COL23A1: variants seen among roughly 807,000 people sequenced by gnomAD.
COL23A1 encodes collagen type XXIII alpha 1 chain, also known as collagen alpha-1(XXIII) chain.
In COL23A1, 97 loss-of-function variants were observed where a neutral mutation model predicts 99.3. That is an observed-to-expected ratio of 0.98 (90% confidence interval 0.83 to 1.16). The LOEUF (loss-of-function observed/expected upper bound fraction) is 1.16, where lower values mean the gene tolerates loss of function less well. Among genes scored for constraint, COL23A1 ranks in the 50% most tolerant of loss-of-function variants. The pLI is 0.00. For missense variants in COL23A1, 762 were observed against 757.4 expected (o/e 1.01, Z -0.07); for synonymous variants, 320 against 308.2 (o/e 1.04, Z -0.40).
At chr5:178,349,494 G>A (rs563404401) in intron 2 of COL23A1, among the ~76,000 whole-genome samples, 2 of 146,328 alleles carry the variant, frequency 1.4e-5, no homozygotes, top group African/African-American at 2.5e-5. Context: ...TCCGCTAGGC[G>A]GGCCCATCCC....
chr5:178,572,359 T>C (rs1581662035), intron 1 of COL23A1, among the ~76,000 whole-genome samples: 1 of 152,026 alleles, frequency 6.6e-6, no homozygotes, highest in Non-Finnish European at 1.5e-5. Flanking sequence ...AAAAAAATTT[T>C]GAAGAATAGT....
chr5:178,544,115 A>G lies in COL23A1; in HGVS notation c.361+16567T>C, dbSNP rs1249080032. On this transcript the variant is annotated intron_variant, in intron 2 of 28. Transcript: ENST00000390654. The surrounding 1 kb of genome is among the most constrained non-coding windows in gnomAD (Gnocchi z 4.4). The stretch of plus-strand genomic sequence containing the variant: ...GGACACAAGATTCAGTCCACAGCAT[A>G]ATCTCCGGGGCATGTCCCTCCTTAC... 6.6e-6 allele frequency among the ~76,000 whole-genome samples: 1 copy of G among 152,084 alleles called. No homozygotes were observed. Among genetic ancestry groups the G allele is most frequent in the African/African-American group, 2.4e-5 (1 of 41,414 alleles).
chr5:178,471,356 C>T (rs1756739967), intron 2 of COL23A1, among the ~76,000 whole-genome samples: 1 of 152,174 alleles, frequency 6.6e-6, no homozygotes. Flanking sequence ...ATTCTCCTGC[C>T]TCAGCCTCCT....
rs1756879645 is a variant in COL23A1 at position 178,281,195 on chromosome 5, A to C, written c.441+7129T>G. Among the ~76,000 whole-genome samples the C allele has an allele frequency of 6.6e-6, 1 of 152,202 alleles. No individual in the cohort carries two copies. The highest frequency in any genetic ancestry group is 6.5e-5 in the Admixed American group (1 of 15,286). On this transcript the variant is annotated intron_variant, in intron 5 of 28. Transcript: ENST00000390654. The surrounding 1 kb of genome is among the most constrained non-coding windows in gnomAD (Gnocchi z 4.0). ...ACGGAAATGAGATGGAGGATGTTGA[A>C]ATCTAAAAACAGATGAATTTGGGAT... is the stretch of plus-strand genomic sequence containing the variant.
chr5:178,362,420 C>T (rs971855986), intron 2 of COL23A1, among the ~76,000 whole-genome samples: 1 of 152,204 alleles, frequency 6.6e-6, no homozygotes, highest in Non-Finnish European at 1.5e-5. Flanking sequence ...AGGCTAAGCT[C>T]ACTTCACCGA....
chr5:178,545,192 T>C (rs1057101556), intron 2 of COL23A1, among the ~76,000 whole-genome samples: 4 of 151,792 alleles, frequency 2.6e-5, no homozygotes, highest in Non-Finnish European at 5.9e-5. Context: ...GGGAGGCGGG[T>C]GCCCCTCATG....
intron 2 of COL23A1, among the ~76,000 whole-genome samples, chr5:178,449,482 G>A (rs912192470): frequency 3.3e-5 from 5 of 152,174 alleles, no homozygotes; most frequent in Non-Finnish European, 5.9e-5. Context: ...CAGCAACGAC[G>A]CTGTCCTTCA....
intron 3 of COL23A1, among the ~76,000 whole-genome samples, chr5:178,291,129 G>A (rs1757434895): frequency 6.6e-6 from 1 of 152,202 alleles, no homozygotes; most frequent in African/African-American, 2.4e-5. Flanking sequence ...TGGATGGAAG[G>A]AGGTCTCCCA....
chr5:178,493,027 T>C (rs1044909304), intron 2 of COL23A1, among the ~76,000 whole-genome samples: 8 of 152,230 alleles, frequency 5.3e-5, no homozygotes, highest in Admixed American at 2.0e-4. Flanking sequence ...AAAGCTTTAG[T>C]TGTTGGTTGA....
chr5:178,274,514 G>A (rs988882090), intron 5 of COL23A1, among the ~76,000 whole-genome samples: 1 of 152,182 alleles, frequency 6.6e-6, no homozygotes, highest in South Asian at 2.1e-4. Flanking sequence ...GCAGCTGGGC[G>A]GTCTGGAAGG....
At chr5:178,569,906 C>G (rs1359408276) in intron 1 of COL23A1, among the ~76,000 whole-genome samples, 4 of 152,120 alleles carry the variant, frequency 2.6e-5, no homozygotes, top group Non-Finnish European at 1.5e-5. Context: ...TTGGTTAAGT[C>G]AGGGCCACTG....
chr5:178,557,498 C>T (rs887068872), intron 2 of COL23A1, among the ~76,000 whole-genome samples: 5 of 152,250 alleles, frequency 3.3e-5, no homozygotes, highest in African/African-American at 7.2e-5. Flanking sequence ...CTGGCTGGGG[C>T]GAGAGAGAAG....
chr5:178,256,509 G>C (rs1765307354), intron 14 of COL23A1, 112 bp from the exon 15 acceptor site: 7 of 998,750 alleles, frequency 7.0e-6, no homozygotes, highest in Non-Finnish European at 1.0e-5. Flanking sequence ...CCGAGTGCTG[G>C]AACCCTAATA....
chr5:178,506,397 G>A (rs995327589), intron 2 of COL23A1, among the ~76,000 whole-genome samples: 4 of 152,220 alleles, frequency 2.6e-5, no homozygotes, highest in African/African-American at 9.6e-5. Context: ...GGGGACCCCA[G>A]GGTACATCTG....
chr5:178,389,522 T>G (rs1763852536), intron 2 of COL23A1, among the ~76,000 whole-genome samples: 1 of 152,234 alleles, frequency 6.6e-6, no homozygotes, highest in Non-Finnish European at 1.5e-5. Flanking sequence ...GAGCTGCACA[T>G]TCTCATCCCT....
intron 2 of COL23A1, among the ~76,000 whole-genome samples, chr5:178,498,906 G>A (rs1052781531): frequency 1.3e-5 from 2 of 148,794 alleles, no homozygotes; most frequent in African/African-American, 4.9e-5. Flanking sequence ...CCTGGCCAAC[G>A]GTGAAACCCC....
chr5:178,452,034 A>G (rs1434130698), intron 2 of COL23A1, among the ~76,000 whole-genome samples: 3 of 152,218 alleles, frequency 2.0e-5, no homozygotes, highest in African/African-American at 7.2e-5. Flanking sequence ...AAAGCTAAAA[A>G]TGCAAAAGTA....
At chr5:178,419,960 C>G (rs572396407) in intron 2 of COL23A1, among the ~76,000 whole-genome samples, 2 of 152,314 alleles carry the variant, frequency 1.3e-5, no homozygotes, top group Non-Finnish European at 2.9e-5. Context: ...GTTCTGACCA[C>G]GAGGCACCCC....
At chr5:178,403,108 CAA>C (rs200567150) in intron 2 of COL23A1, among the ~76,000 whole-genome samples, 4 of 46,662 alleles carry the variant, frequency 8.6e-5, no homozygotes, top group African/African-American at 1.1e-4. Context: ...GACTCCATCT[CAA>C]AAAAAAAAAA....
Sources: allele counts gnomAD v4.1 joint callset (sites outside exome capture counted in the v4.1 genomes callset), GRCh38; gene constraint gnomAD v4.1.1; non-coding constraint Gnocchi (gnomAD v3.1); transcripts MANE v1.5; gene names NCBI Gene and HGNC (gene_info 2026-07-23, HGNC 2026-07-21).